Variants in EML5 observed in about 807,000 individuals in gnomAD.
EML5 encodes the protein echinoderm microtubule-associated protein-like 5.
EML5 carries 120 observed loss-of-function variants against 250.0 expected under a neutral mutation model. The observed-to-expected ratio is 0.48, with a 90% confidence interval of 0.41 to 0.56. The LOEUF (loss-of-function observed/expected upper bound fraction) is 0.56. EML5 is among the 20% of genes least tolerant of loss of function. The probability of loss-of-function intolerance (pLI) is 0.00; values close to 1 mark genes in which losing one functional copy is unlikely to be tolerated. For synonymous variants in EML5, 771 were observed against 806.5 expected (o/e 0.96, Z 0.75); for missense variants, 2,006 against 2,437.6 (o/e 0.82, Z 3.73).
intron 1 of EML5, among the ~76,000 whole-genome samples, chr14:88,759,921 G>A (rs1234167907): frequency 6.6e-6 from 1 of 152,052 alleles, no homozygotes; most frequent in Non-Finnish European, 1.5e-5. Flanking sequence ...CTAATATTTG[G>A]TAGTGTCAGT....
chr14:88,713,657 A>G (rs2093442720), intron 9 of EML5, among the ~76,000 whole-genome samples: 1 of 145,408 alleles, frequency 6.9e-6, no homozygotes, highest in Admixed American at 7.0e-5. Context: ...TGGTCTCACC[A>G]TGTTCCCTGG....
At chr14:88,648,643 C>G (rs1393497561) in intron 28 of EML5, among the ~76,000 whole-genome samples, 1 of 152,058 alleles carries the variant, frequency 6.6e-6, no homozygotes, top group African/African-American at 2.4e-5. Flanking sequence ...AGGCATAAAC[C>G]ACTGCACCCG....
intron 27 of EML5, 60 bp downstream of exon 27, chr14:88,657,316 T>G (rs1175280737): frequency 1.0e-5 from 15 of 1,491,896 alleles, no homozygotes; most frequent in Non-Finnish European, 1.3e-5. Flanking sequence ...ACTTAAATAA[T>G]AAATTCCATT....
chr14:88,698,556 C>G (rs148004969), intron 14 of EML5, among the ~76,000 whole-genome samples: 1 of 152,106 alleles, frequency 6.6e-6, no homozygotes, highest in African/African-American at 2.4e-5. Context: ...TGAGCCACGG[C>G]GCCCAGCTTC....
Position 88,730,140 on chromosome 14 carries a change from G to A in EML5, c.1050-3462C>T, listed in dbSNP as rs1285047451. 2.6e-5 allele frequency among the ~76,000 whole-genome samples: 4 copies of A among 151,934 alleles called. No individual in the cohort carries two copies. The East Asian group carries it at 5.8e-4, about 22-fold the overall frequency. On this transcript the variant is annotated intron_variant, in intron 7 of 43. Transcript: ENST00000554922. Reference sequence around the variant, plus strand: ...GGACTTAGAATGTTACATTTTTAAGGCACAATGGAGCATGGACTATACTGT... The same window carrying A: ...GGACTTAGAATGTTACATTTTTAAGACACAATGGAGCATGGACTATACTGT...
chr14:88,679,575 CCT>C (rs1267079816), intron 21 of EML5, among the ~76,000 whole-genome samples: 1 of 152,010 alleles, frequency 6.6e-6, no homozygotes, highest in Non-Finnish European at 1.5e-5. Context: ...GCCTGTAGTC[CCT>C]GTTACTCGGG....
intron 7 of EML5, among the ~76,000 whole-genome samples, chr14:88,727,796 C>A (rs75293940): frequency 6.6e-6 from 1 of 152,004 alleles, no homozygotes; most frequent in Non-Finnish European, 1.5e-5. Flanking sequence ...TGTGTAGACA[C>A]ACATATGTAT....
At chr14:88,650,499 A>T (rs1242804072) in intron 27 of EML5, among the ~76,000 whole-genome samples, 2 of 152,236 alleles carry the variant, frequency 1.3e-5, no homozygotes, top group African/African-American at 4.8e-5. Flanking sequence ...AACATTTATT[A>T]AAAAAGAAAA....
At chr14:88,694,690 G>A (rs926031390) in intron 16 of EML5, among the ~76,000 whole-genome samples, 3 of 152,214 alleles carry the variant, frequency 2.0e-5, no homozygotes, top group African/African-American at 7.2e-5. Flanking sequence ...TTTGTGGCAT[G>A]AATGGGTTAA....
At chr14:88,697,017 G>T in intron 14 of EML5, 65 bp from the exon 15 acceptor site, 1 of 1,056,608 alleles carries the variant, frequency 9.5e-7, no homozygotes, top group Non-Finnish European at 1.3e-6. Flanking sequence ...CTACTAAAAG[G>T]AAATAAAACA....
At chr14:88,739,785 A>G (rs944603813) in intron 5 of EML5, among the ~76,000 whole-genome samples, 1 of 152,136 alleles carries the variant, frequency 6.6e-6, no homozygotes, top group Non-Finnish European at 1.5e-5. Flanking sequence ...AAGAAAACCA[A>G]TTCAACAACC....
intron 1 of EML5, among the ~76,000 whole-genome samples, chr14:88,772,771 C>A (rs1595852687): frequency 6.6e-6 from 1 of 151,896 alleles, no homozygotes; most frequent in Admixed American, 6.6e-5. Context: ...AAAAGGTATA[C>A]CCTCACCTAC....
chr14:88,740,657 G>A lies in EML5; in HGVS notation c.526-85C>T, dbSNP rs577234914. 5 of 1,183,526 alleles carry A rather than the reference G, an allele frequency of 4.2e-6. No individual in the cohort carries two copies. In the East Asian group the frequency reaches 7.2e-5, roughly 17 times the overall value. 73.3% of individuals were successfully genotyped at this position (1,183,526 alleles called of 1,614,324 possible). ...TTCCCAATACTTTGATGCTATATTA[G>A]AGCAGTGAGCTAAAAATTAACTAAG... On this transcript the variant is annotated intron_variant, in intron 4 of 43. Transcript: ENST00000554922.
chr14:88,662,915 T>C (rs2140962232), intron 24 of EML5, 116 bp downstream of exon 24: 1 of 700,616 alleles, frequency 1.4e-6, no homozygotes, highest in East Asian at 3.0e-5. Flanking sequence ...TAATATCCAA[T>C]ATTTTAATAA....
intron 21 of EML5, among the ~76,000 whole-genome samples, chr14:88,666,353 A>G (rs550034743): frequency 1.3e-5 from 2 of 152,204 alleles, no homozygotes; most frequent in South Asian, 4.1e-4. Flanking sequence ...CAGGCTCCCA[A>G]GTAGCTGGGA....
At chr14:88,748,567 G>A (rs58655091) in intron 2 of EML5, among the ~76,000 whole-genome samples, 36,032 of 151,970 alleles carry the variant, frequency 0.24, 4,467 homozygotes, top group East Asian at 0.37. Flanking sequence ...ACTTTAAAAG[G>A]ATATAATAAA....
chr14:88,670,557 C>A (rs1319581401), intron 21 of EML5, among the ~76,000 whole-genome samples: 1 of 151,998 alleles, frequency 6.6e-6, no homozygotes, highest in Non-Finnish European at 1.5e-5. Flanking sequence ...CAGAACTGGG[C>A]AAAGGCTGAG....
chr14:88,621,815 A>G (rs757828686), intron 37 of EML5: 12 of 443,380 alleles, frequency 2.7e-5, no homozygotes, highest in South Asian at 1.8e-4. Context: ...ATACATATCT[A>G]TAGGGCATAG....
intron 23 of EML5, among the ~76,000 whole-genome samples, chr14:88,663,895 C>T (rs1319902800): frequency 6.6e-6 from 1 of 152,100 alleles, no homozygotes; most frequent in Non-Finnish European, 1.5e-5. Context: ...ATCTTCACAA[C>T]AATTTTTTTG....
Sources: gnomAD v4.1 joint callset for allele counts (sites outside exome capture counted in the v4.1 genomes callset) on GRCh38, gnomAD v4.1.1 for gene constraint, MANE v1.5 for transcripts, NCBI Gene and HGNC (gene_info 2026-07-23, HGNC 2026-07-21) for gene names.